SH2D3C: variants seen among roughly 807,000 people sequenced by gnomAD.
The protein encoded by SH2D3C is SH2 domain-containing protein 3C.
Under a neutral mutation model 75.2 loss-of-function variants are expected in SH2D3C, and 25 were observed. That is an observed-to-expected ratio of 0.33 (90% confidence interval 0.24 to 0.46). The LOEUF is 0.46. Ranked by LOEUF, SH2D3C falls within the 20% of genes least tolerant of loss-of-function variation. SH2D3C has a pLI of 1.00. For synonymous variants in SH2D3C, 450 were observed against 473.7 expected (o/e 0.95, Z 0.65); for missense variants, 933 against 1,165.3 (o/e 0.80, Z 2.90).
chr9:127,776,723 G>A (rs572391493), intron 1 of SH2D3C, among the ~76,000 whole-genome samples: 21 of 152,234 alleles, frequency 1.4e-4, no homozygotes, highest in African/African-American at 5.1e-4. Flanking sequence ...GCCCAGCAAT[G>A]GGGAGGGACT....
At chr9:127,753,549 T>C (rs74646479) in intron 3 of SH2D3C, among the ~76,000 whole-genome samples, 11,429 of 152,200 alleles carry the variant, frequency 0.075, 1,002 homozygotes, top group African/African-American at 0.21. Context: ...TAGAAACCGA[T>C]GCCCCCGAAG....
chr9:127,756,632 G>A (rs1426036748), intron 3 of SH2D3C, among the ~76,000 whole-genome samples: 1 of 149,194 alleles, frequency 6.7e-6, no homozygotes, highest in African/African-American at 2.5e-5. Context: ...TCTCAAGGTA[G>A]GAGGGGGCTT....
At chr9:127,748,378 C>T (rs1404424725) in intron 5 of SH2D3C, among the ~76,000 whole-genome samples, 5 of 152,176 alleles carry the variant, frequency 3.3e-5, no homozygotes, top group Non-Finnish European at 7.4e-5. Context: ...AGCACCCAAC[C>T]CAGCCCCAGG....
Position 127,751,062 on chromosome 9 carries a change from C to T in SH2D3C, c.684+110G>A, listed in dbSNP as rs2131759359. ...TCATCCCAGTCCATTCTGATTGAAT[C>T]CACCAAGCAACAGGTCAGAGCCTCC... On this transcript the variant is annotated intron_variant, in intron 4 of 11. Transcript: ENST00000314830. This position sits in a 1 kb window ranked among gnomAD's most constrained non-coding sequence, Gnocchi z 4.1. 1 of 1,018,450 alleles carries T rather than the reference C, an allele frequency of 9.8e-7. No individual in the cohort carries two copies. Among genetic ancestry groups the T allele is most frequent in the Non-Finnish European group, 1.5e-6 (1 of 673,702 alleles). The allele number at this position is 1,018,450 out of a possible 1,614,324, so 63.1% of individuals were successfully genotyped here.
chr9:127,749,845 AG>A lies in SH2D3C; in HGVS notation c.685-181del, dbSNP rs1845146589. On this transcript the variant is annotated intron_variant, in intron 4 of 11. Coordinates refer to ENST00000314830, the MANE Select transcript of SH2D3C (RefSeq NM_170600.3). The surrounding 1 kb of genome is among the most constrained non-coding windows in gnomAD (Gnocchi z 5.9). Reference sequence around the variant, plus strand: ...CGGGGATGCAATGACCCAGGTTCACAGGGGGCACCTCAGCCAGAGGCCCTGA... The same window carrying A: ...CGGGGATGCAATGACCCAGGTTCACAGGGGCACCTCAGCCAGAGGCCCTGA... Among the ~76,000 whole-genome samples, 1 of 152,138 alleles carries A rather than the reference AG, an allele frequency of 6.6e-6. No individual in the cohort carries two copies. The highest frequency in any genetic ancestry group is 6.5e-5 in the Admixed American group (1 of 15,268).
intron 2 of SH2D3C, among the ~76,000 whole-genome samples, chr9:127,773,663 C>T (rs753611780): frequency 6.6e-5 from 10 of 152,006 alleles, no homozygotes; most frequent in Admixed American, 3.3e-4. Context: ...AAAGAAGCCC[C>T]GGCCAGCACT....
chr9:127,765,381 G>A (rs185551841), intron 2 of SH2D3C, among the ~76,000 whole-genome samples: 5 of 152,268 alleles, frequency 3.3e-5, no homozygotes, highest in Admixed American at 2.0e-4. Context: ...AAGGGTTTGT[G>A]TTTCTGTCTA....
chr9:127,746,223 T>C (rs1053945691), intron 6 of SH2D3C, among the ~76,000 whole-genome samples: 1 of 152,180 alleles, frequency 6.6e-6, no homozygotes, highest in African/African-American at 2.4e-5. Context: ...GGTGGCTCTG[T>C]GTTTAGGGAA....
chr9:127,751,932 G>C lies in SH2D3C; in HGVS notation c.556-632C>G, dbSNP rs1394631455. Among the ~76,000 whole-genome samples, 3 of 152,138 alleles carry C rather than the reference G, an allele frequency of 2.0e-5. No individual in the cohort carries two copies. The highest frequency in any genetic ancestry group is 4.8e-5 in the African/African-American group (2 of 41,404). Reference sequence around the variant, plus strand: ...GGGTGGGGAAGGGACTATAAACAGGGACACGGGGACCCCAAACAGACATCT... The same window carrying C: ...GGGTGGGGAAGGGACTATAAACAGGCACACGGGGACCCCAAACAGACATCT... On this transcript the variant is annotated intron_variant, in intron 3 of 11. Transcript: ENST00000314830. The surrounding 1 kb of genome is among the most constrained non-coding windows in gnomAD (Gnocchi z 4.1).
rs996412194 is a variant in SH2D3C, at chr9:127,774,422, C to G, written c.83G>C (p.Arg28Pro). The G allele has an allele frequency of 2.5e-6, 4 of 1,612,436 alleles. No homozygotes were observed. The East Asian group carries it at 8.9e-5, about 36-fold the overall frequency. Residue 28 changes from arginine (R) to proline (P), a missense_variant, in exon 2 of 12, where the codon CGG (arginine) becomes CCG (proline). Transcript: ENST00000314830. This position sits in a 1 kb window ranked among gnomAD's most constrained non-coding sequence, Gnocchi z 4.3. ...TGAGGATCGTCTCAGAGTGAAGGACCGAGGGAGGTTGGAGAGACTCCCAAA... is the reference window on the plus strand; with the variant it reads ...TGAGGATCGTCTCAGAGTGAAGGACGGAGGGAGGTTGGAGAGACTCCCAAA... ...KGFGSLSNLP[R>P]SFTLRRSSAS... is the part of the protein sequence containing the mutation.
rs770345252 is a variant in SH2D3C at position 127,738,706 on chromosome 9, T to G, written c.*40A>C. ...GGAAAGTTGTGTGCCCCTCTGCCCC[T>G]GACGCTGTCCGCAGCTGCAGAGGGG... On this transcript the variant is annotated 3_prime_UTR_variant, in exon 12 of 12. Coordinates refer to ENST00000314830, the MANE Select transcript of SH2D3C (RefSeq NM_170600.3). The surrounding 1 kb of genome is among the most constrained non-coding windows in gnomAD (Gnocchi z 5.0). The G allele has an allele frequency of 2.3e-5, 35 of 1,525,566 alleles. No individual in the cohort carries two copies. In the South Asian group the frequency reaches 4.2e-4, roughly 19 times the overall value. 94.5% of individuals were successfully genotyped at this position (1,525,566 alleles called of 1,614,324 possible).
chr9:127,777,756 C>G (rs1031701524), intron 1 of SH2D3C, among the ~76,000 whole-genome samples: 1 of 152,026 alleles, frequency 6.6e-6, no homozygotes, highest in Non-Finnish European at 1.5e-5. Context: ...AGATGGAGAA[C>G]GAAGTCAGTC....
chr9:127,773,990 C>T lies in SH2D3C; in HGVS notation c.515G>A (p.Arg172Lys). The change falls in exon 2 of 12, where the codon AGG becomes AAG. Residue 172 changes from arginine (R) to lysine (K), a missense_variant and splice_region_variant. Physicochemically the swap from Arg to Lys is conservative, Grantham distance 26 (BLOSUM62 2). Transcript: ENST00000314830. Reference sequence around the variant, plus strand: ...TCCCAACCAGCCCCTGGGCACCTACCTTTCTGAGTGCACGTCCCTGGGAGG... The same window carrying T: ...TCCCAACCAGCCCCTGGGCACCTACTTTTCTGAGTGCACGTCCCTGGGAGG... ...ERPPRDVHSERAAGEPEAGSD... is the reference protein window; with the variant it reads ...ERPPRDVHSEKAAGEPEAGSD... The T allele has an allele frequency of 1.2e-6, 2 of 1,600,062 alleles. No homozygotes were observed. The highest frequency in any genetic ancestry group is 3.4e-4 in the Middle Eastern group (2 of 5,868).
chr9:127,739,281 G>A lies in SH2D3C; in HGVS notation c.2408-360C>T, dbSNP rs1004989469. Among the ~76,000 whole-genome samples, 1 of 152,000 alleles carries A rather than the reference G, an allele frequency of 6.6e-6. No homozygotes were observed. The highest frequency in any genetic ancestry group is 2.1e-4 in the South Asian group (1 of 4,816). The stretch of plus-strand genomic sequence containing the variant: ...TCCCAGCACTTTGGGAGGCCAAGGC[G>A]GGTGGATCACCTGAGGTCAGGAGTT... On this transcript the variant is annotated intron_variant, in intron 11 of 11. Transcript: ENST00000314830. The surrounding 1 kb of genome is among the most constrained non-coding windows in gnomAD (Gnocchi z 4.3).
chr9:127,744,479 T>C, intron 7 of SH2D3C, 85 bp downstream of exon 7: 2 of 1,487,248 alleles, frequency 1.3e-6, no homozygotes, highest in Non-Finnish European at 1.8e-6. Context: ...CTGCTGTACT[T>C]GGGGAATCTG....
chr9:127,773,117 T>C (rs574975858), intron 2 of SH2D3C, among the ~76,000 whole-genome samples: 56 of 152,316 alleles, frequency 3.7e-4, no homozygotes, highest in Admixed American at 7.2e-4. Flanking sequence ...GCCTTAATGA[T>C]TGAATCTTCT....
rs955519276 is a variant in SH2D3C at position 127,738,827 on chromosome 9, G to A, written c.2502C>T (p.Ala834=). The change falls in exon 12 of 12, where the codon GCC becomes GCT. Residue 834 remains alanine, a synonymous_variant. Transcript: ENST00000314830. The surrounding 1 kb of genome is among the most constrained non-coding windows in gnomAD (Gnocchi z 5.0). ...CCTTGTCGAACTTCTCATAGCGCCG[G>A]GCCTGGCTGCTGCTGGCACCCTGAC... ...WGSQGASSSQ[A]RRYEKFDKVL... is the part of the protein sequence containing the mutation. 4 of 1,605,940 alleles carry A rather than the reference G, an allele frequency of 2.5e-6. No individual in the cohort carries two copies. Among genetic ancestry groups the A allele is most frequent in the Non-Finnish European group, 3.4e-6 (4 of 1,176,582 alleles).
intron 2 of SH2D3C, among the ~76,000 whole-genome samples, chr9:127,772,727 A>G (rs775638433): frequency 2.6e-5 from 4 of 152,132 alleles, no homozygotes; most frequent in South Asian, 4.1e-4. Context: ...AATGTGGTAC[A>G]TAAGTGTGCA....
In SH2D3C at chr9:127,751,752, C is replaced by G. The variant is rs1373132706; in HGVS notation, c.556-452G>C. Among the ~76,000 whole-genome samples the G allele has an allele frequency of 1.3e-5, 2 of 152,186 alleles. No homozygotes were observed. The highest frequency in any genetic ancestry group is 2.9e-5 in the Non-Finnish European group (2 of 68,036). Reference sequence around the variant, plus strand: ...CAGTAAGAAAACACTCATTATATACCAAGGGCACCAAACTGTTCTTGAAGT... The same window carrying G: ...CAGTAAGAAAACACTCATTATATACGAAGGGCACCAAACTGTTCTTGAAGT... On this transcript the variant is annotated intron_variant, in intron 3 of 11. Transcript: ENST00000314830. The surrounding 1 kb of genome is among the most constrained non-coding windows in gnomAD (Gnocchi z 4.1).
Sources: allele counts gnomAD v4.1 joint callset (sites outside exome capture counted in the v4.1 genomes callset), GRCh38; gene constraint gnomAD v4.1.1; non-coding constraint Gnocchi (gnomAD v3.1); transcripts MANE v1.5; gene names NCBI Gene and HGNC (gene_info 2026-07-23, HGNC 2026-07-21).